CA10: variants seen among roughly 807,000 people sequenced by gnomAD.
CA10 encodes carbonic anhydrase-related protein 10.
In CA10, 14 loss-of-function variants were observed where a neutral mutation model predicts 44.2. That is an observed-to-expected ratio of 0.32 (90% CI 0.21 to 0.50). CA10 has a LOEUF of 0.50. Ranked by LOEUF, CA10 falls within the 20% of genes least tolerant of loss-of-function variation. The probability of loss-of-function intolerance (pLI) is 0.99; values close to 1 mark genes in which losing one functional copy is unlikely to be tolerated. For missense variants in CA10, 350 were observed against 409.7 expected (o/e 0.85, Z 1.26); for synonymous variants, 159 against 141.6 (o/e 1.12, Z -0.87).
At chr17:51,709,492 C>T (rs765574725) in intron 4 of CA10, among the ~76,000 whole-genome samples, 3 of 152,172 alleles carry the variant, frequency 2.0e-5, no homozygotes, top group Non-Finnish European at 4.4e-5. Flanking sequence ...GACTCACAAC[C>T]TTTGAAGTGC....
chr17:51,736,185 G>T (rs549323759), intron 4 of CA10, among the ~76,000 whole-genome samples: 2 of 152,226 alleles, frequency 1.3e-5, no homozygotes, highest in African/African-American at 4.8e-5. Context: ...ATTGCCTAGG[G>T]TCACAGCTGA....
intron 3 of CA10, among the ~76,000 whole-genome samples, chr17:51,754,443 A>T (rs1173960274): frequency 9.2e-6 from 1 of 108,430 alleles, no homozygotes; most frequent in African/African-American, 3.3e-5. Context: ...ATATATATAT[A>T]TATATCACGT....
intron 3 of CA10, among the ~76,000 whole-genome samples, chr17:51,858,093 T>A (rs772034196): frequency 6.6e-6 from 1 of 152,208 alleles, no homozygotes; most frequent in Non-Finnish European, 1.5e-5. Flanking sequence ...AGGAGAGAAA[T>A]GACTCATTAT....
chr17:51,782,162 A>G (rs1474285625), intron 3 of CA10, among the ~76,000 whole-genome samples: 1 of 152,238 alleles, frequency 6.6e-6, no homozygotes, highest in East Asian at 1.9e-4. Flanking sequence ...CTTAATTTGA[A>G]AAGACTTTTG....
At chr17:51,878,676 A>G (rs548661398) in intron 3 of CA10, among the ~76,000 whole-genome samples, 1 of 151,558 alleles carries the variant, frequency 6.6e-6, no homozygotes, top group Admixed American at 6.6e-5. Flanking sequence ...TAATTACTCA[A>G]TCAGATTATT....
intron 3 of CA10, among the ~76,000 whole-genome samples, chr17:51,871,013 C>T (rs8066412): frequency 0.027 from 4,140 of 151,252 alleles, 94 homozygotes; most frequent in African/African-American, 0.059. Flanking sequence ...CTTTTTCCAC[C>T]CCTCCCTCCT....
chr17:51,875,716 T>C (rs1980041304), intron 3 of CA10, among the ~76,000 whole-genome samples: 2 of 152,176 alleles, frequency 1.3e-5, no homozygotes, highest in Admixed American at 6.5e-5. Context: ...AAATGAGTTT[T>C]AGTACATGTG....
intron 2 of CA10, among the ~76,000 whole-genome samples, chr17:51,994,131 A>G (rs1445140991): frequency 6.6e-6 from 1 of 152,062 alleles, no homozygotes. Flanking sequence ...TAAAGAGTGA[A>G]TAGATATTGT....
At chr17:52,034,484 C>A (rs1986559518) in intron 2 of CA10, among the ~76,000 whole-genome samples, 1 of 152,206 alleles carries the variant, frequency 6.6e-6, no homozygotes, top group East Asian at 1.9e-4. Context: ...GTGATTGTAT[C>A]TTTATTTCTT....
intron 3 of CA10, chr17:51,748,572 A>C (rs1904789239): frequency 5.9e-6 from 4 of 682,830 alleles, no homozygotes; most frequent in Non-Finnish European, 7.2e-6. Flanking sequence ...ATTCTAGAAC[A>C]CTCATTCCCA....
intron 2 of CA10, among the ~76,000 whole-genome samples, chr17:51,988,594 G>A (rs1984926788): frequency 6.6e-6 from 1 of 151,776 alleles, no homozygotes; most frequent in African/African-American, 2.4e-5. Context: ...GTTGTAATAA[G>A]AAATAAAATA....
chr17:51,978,044 T>C (rs1984520441), intron 2 of CA10, among the ~76,000 whole-genome samples: 1 of 152,142 alleles, frequency 6.6e-6, no homozygotes, highest in Middle Eastern at 3.2e-3. Flanking sequence ...AATGGAATGA[T>C]ATACCATGCT....
chr17:51,690,821 G>C (rs1172051355), intron 4 of CA10, among the ~76,000 whole-genome samples: 1 of 152,124 alleles, frequency 6.6e-6, no homozygotes, highest in African/African-American at 2.4e-5. Flanking sequence ...CAACATGTAA[G>C]TGAGATCTTG....
chr17:52,029,211 C>A (rs1193952622), intron 2 of CA10, among the ~76,000 whole-genome samples: 1 of 152,122 alleles, frequency 6.6e-6, no homozygotes, highest in Non-Finnish European at 1.5e-5. Context: ...TTCTCTATAA[C>A]CCAAGAAGGA....
At chr17:52,152,695 G>A (rs1419146292) in intron 1 of CA10, among the ~76,000 whole-genome samples, 5 of 152,052 alleles carry the variant, frequency 3.3e-5, no homozygotes, top group African/African-American at 9.7e-5. Flanking sequence ...CTATGTGTAT[G>A]TATCTCAACT....
intron 7 of CA10, among the ~76,000 whole-genome samples, chr17:51,634,498 G>A (rs17587490): frequency 0.42 from 63,706 of 151,950 alleles, 14,149 homozygotes; most frequent in Non-Finnish European, 0.48. Context: ...TCCCACAGTC[G>A]TAGAATGTCA....
intron 3 of CA10, among the ~76,000 whole-genome samples, chr17:51,879,580 G>A (rs1044378550): frequency 6.6e-6 from 1 of 152,148 alleles, no homozygotes; most frequent in African/African-American, 2.4e-5. Flanking sequence ...TAGAAAACAG[G>A]AGTAGATAGA....
At chr17:52,084,254 T>C (rs974313981) in intron 1 of CA10, among the ~76,000 whole-genome samples, 2 of 152,200 alleles carry the variant, frequency 1.3e-5, no homozygotes, top group African/African-American at 4.8e-5. Context: ...CAATTTGCCA[T>C]GGTGGGACAT....
At chr17:51,746,147 T>C (rs915998027) in intron 4 of CA10, among the ~76,000 whole-genome samples, 9 of 152,216 alleles carry the variant, frequency 5.9e-5, no homozygotes, top group Admixed American at 2.0e-4. Flanking sequence ...CTATTGTTTA[T>C]AGAGTCATGA....
Sources: gnomAD v4.1 joint callset for allele counts (sites outside exome capture counted in the v4.1 genomes callset) on GRCh38, gnomAD v4.1.1 for gene constraint, MANE v1.5 for transcripts, NCBI Gene and HGNC (gene_info 2026-07-23, HGNC 2026-07-21) for gene names.